The following KLHL3 variants were observed in gnomAD, a reference collection of about 807,000 sequenced individuals.
The protein encoded by KLHL3 is kelch like family member 3.
KLHL3 carries 19 observed loss-of-function variants against 70.5 expected under a neutral mutation model. The observed-to-expected ratio is 0.27, with a 90% CI of 0.19 to 0.40. KLHL3 has a LOEUF of 0.40. Among genes scored for constraint, KLHL3 ranks in the 10% least tolerant of loss-of-function variants. The pLI is 1.00. For synonymous variants in KLHL3, 258 were observed against 290.3 expected (o/e 0.89, Z 1.13); for missense variants, 512 against 771.1 (o/e 0.66, Z 3.98).
chr5:137,648,899 C>T (rs1751128492), intron 8 of KLHL3, among the ~76,000 whole-genome samples: 1 of 152,192 alleles, frequency 6.6e-6, no homozygotes, highest in African/African-American at 2.4e-5. Flanking sequence ...CCTGCTTCTC[C>T]AACTAGTCCA....
At chr5:137,713,510 C>T (rs1207316940) in intron 2 of KLHL3, among the ~76,000 whole-genome samples, 4 of 152,142 alleles carry the variant, frequency 2.6e-5, no homozygotes, top group Non-Finnish European at 5.9e-5. Flanking sequence ...CCCTACCTCA[C>T]ACCATATACA....
At chr5:137,710,046 C>G (rs1356218924) in intron 2 of KLHL3, among the ~76,000 whole-genome samples, 190 bp from the exon 3 acceptor site, 1 of 152,176 alleles carries the variant, frequency 6.6e-6, no homozygotes, top group African/African-American at 2.4e-5. Context: ...ATAAACCTGA[C>G]ATTCATGCTT....
chr5:137,717,478 C>T (rs776873884), intron 2 of KLHL3, among the ~76,000 whole-genome samples: 10 of 151,872 alleles, frequency 6.6e-5, no homozygotes, highest in Non-Finnish European at 2.9e-5. Context: ...TGCAATGAGC[C>T]GAGATCACAC....
intron 3 of KLHL3, among the ~76,000 whole-genome samples, chr5:137,700,152 T>C (rs1201848981): frequency 6.6e-6 from 1 of 152,204 alleles, no homozygotes; most frequent in African/African-American, 2.4e-5. Context: ...GGAAAAACAG[T>C]ATATTACTCC....
intron 4 of KLHL3, among the ~76,000 whole-genome samples, chr5:137,694,286 G>T (rs769627394): frequency 1.3e-5 from 2 of 152,134 alleles, no homozygotes; most frequent in Non-Finnish European, 2.9e-5. Flanking sequence ...TATATCCCCA[G>T]CAGGAAAACA....
At chr5:137,653,333 G>T (rs1287105496) in intron 8 of KLHL3, among the ~76,000 whole-genome samples, 1 of 152,162 alleles carries the variant, frequency 6.6e-6, no homozygotes, top group Non-Finnish European at 1.5e-5. Context: ...CACAGGTTGG[G>T]AGAAAATATT....
In KLHL3 at chr5:137,634,140, A is replaced by G. The variant is rs904675851; in HGVS notation, c.1347T>C (p.Tyr449=). The G allele has an allele frequency of 3.1e-6, 5 of 1,613,526 alleles. No homozygotes were observed. The highest frequency in any genetic ancestry group is 1.3e-5 in the African/African-American group (1 of 75,020). Residue 449 remains tyrosine (Y), a synonymous_variant, in exon 12 of 15, where the codon TAT becomes TAC. Transcript: ENST00000309755. The part of the protein sequence containing the change: ...VEGKLYAVGG[Y]DGASRQCLST... ...TCAGACACTGGCGGGAAGCTCCATC[A>G]TAACCCCCAACAGCATATAGCTTCC...
At chr5:137,648,519 G>A (rs929866214) in intron 8 of KLHL3, among the ~76,000 whole-genome samples, 5 of 152,214 alleles carry the variant, frequency 3.3e-5, no homozygotes, top group African/African-American at 9.6e-5. Flanking sequence ...GGTAACGTAG[G>A]AGACTTCTGA....
rs1041360251 is a variant in KLHL3 at position 137,709,624 on chromosome 5, G to C, written c.241+126C>G. On this transcript the variant is annotated intron_variant, in intron 3 of 14. Coordinates refer to ENST00000309755, the MANE Select transcript of KLHL3 (RefSeq NM_017415.3). ...GGCACAAAGCACACTATCTGGCGTA[G>C]AGAAGCCCCTCATAGTGGGCTAATG... 6.8e-6 allele frequency: 5 copies of C among 730,228 alleles called. No homozygotes were observed. In the African/African-American group the frequency reaches 6.9e-5, roughly 10 times the overall value. The allele number at this position is 730,228 out of a possible 1,614,324, so 45.2% of individuals were successfully genotyped here.
intron 12 of KLHL3, chr5:137,629,787 A>C (rs1196819670): frequency 6.6e-6 from 1 of 152,214 alleles, no homozygotes; most frequent in Non-Finnish European, 1.5e-5. Flanking sequence ...AGGTTTAATA[A>C]AATTTGTTGA....
Position 137,621,885 on chromosome 5 carries a change from C to G in KLHL3, c.*213G>C. 1 of 599,308 alleles carries G rather than the reference C, an allele frequency of 1.7e-6. No individual in the cohort carries two copies. Among genetic ancestry groups the G allele is most frequent in the Non-Finnish European group, 3.0e-6 (1 of 331,870 alleles). The allele number at this position is 599,308 out of a possible 1,614,324, so 37.1% of individuals were successfully genotyped here. A position where few individuals can be genotyped will look rare whatever the true frequency, so the allele number is the denominator to read the frequency against. On this transcript the variant is annotated 3_prime_UTR_variant, in exon 15 of 15. Coordinates refer to ENST00000309755, the MANE Select transcript of KLHL3 (RefSeq NM_017415.3). ...TGGGGATGTCAAGACCCCCCTTGCT[C>G]AGGGCATAGGCCAGAGCACCTCAGG...
chr5:137,617,618 G>A lies in KLHL3; in HGVS notation c.*4480C>T, dbSNP rs181320607. ...TATTGCTGTAACTGATCAAGCATGTGACAAGTGTTCTTTTACAAGATATAC... is the reference window on the plus strand; with the variant it reads ...TATTGCTGTAACTGATCAAGCATGTAACAAGTGTTCTTTTACAAGATATAC... On this transcript the variant is annotated 3_prime_UTR_variant, in exon 15 of 15. Coordinates refer to ENST00000309755, the MANE Select transcript of KLHL3 (RefSeq NM_017415.3). The A allele has an allele frequency of 1.3e-5, 2 of 152,318 alleles. No homozygotes were observed. The highest frequency in any genetic ancestry group is 3.9e-4 in the East Asian group (2 of 5,186). 9.4% of individuals were successfully genotyped at this position (152,318 alleles called of 1,614,324 possible). A position where few individuals can be genotyped will look rare whatever the true frequency, so the allele number is the denominator to read the frequency against.
chr5:137,672,596 G>A (rs1751788270), intron 6 of KLHL3: 1 of 152,138 alleles, frequency 6.6e-6, no homozygotes, highest in South Asian at 2.1e-4. Flanking sequence ...CTCACTCAGA[G>A]GTGTCTCTGA....
At chr5:137,644,852 G>A (rs530449606) in intron 8 of KLHL3, among the ~76,000 whole-genome samples, 30 of 152,054 alleles carry the variant, frequency 2.0e-4, no homozygotes, top group Admixed American at 4.6e-4. Flanking sequence ...CTAGACAAGG[G>A]CATGACAAAA....
chr5:137,708,383 T>G (rs1184257519), intron 3 of KLHL3, among the ~76,000 whole-genome samples: 2 of 152,182 alleles, frequency 1.3e-5, no homozygotes, highest in Non-Finnish European at 2.9e-5. Context: ...CACTCACCCC[T>G]CCTTAGCAAG....
intron 5 of KLHL3, among the ~76,000 whole-genome samples, chr5:137,682,135 G>A (rs986140412): frequency 6.6e-6 from 1 of 151,870 alleles, no homozygotes; most frequent in Non-Finnish European, 1.5e-5. Context: ...CTCAATCCCC[G>A]CAAAAGCCCT....
chr5:137,686,685 G>A (rs1350197495), intron 5 of KLHL3, among the ~76,000 whole-genome samples: 1 of 152,178 alleles, frequency 6.6e-6, no homozygotes, highest in Non-Finnish European at 1.5e-5. Flanking sequence ...CAATGGTAGA[G>A]AACCCCAGGC....
In KLHL3 at chr5:137,689,027, A is replaced by C. The variant is rs145354653; in HGVS notation, c.526+3258T>G. On this transcript the variant is annotated intron_variant, in intron 5 of 14. Coordinates refer to ENST00000309755, the MANE Select transcript of KLHL3 (RefSeq NM_017415.3). ...AGATAGTGAAAGGGGCAAAGGAGAA[A>C]ACACAGACGTTGAAAGTTGGGAAAA... 1.4e-3 allele frequency among the ~76,000 whole-genome samples: 214 copies of C among 152,340 alleles called. 3 individuals are homozygous for C. Among genetic ancestry groups the C allele is most frequent in the African/African-American group, 5.0e-3 (207 of 41,564 alleles).
At position 137,618,595 on chromosome 5, in the gene KLHL3, G is replaced by A. The variant is rs948902863; in HGVS notation, c.*3503C>T. Reference sequence around the variant, plus strand: ...GCTTCAGATCAACAAGGAGATAGAAGAGAATAAGGAATGGTCGGCTGGACC... The same window carrying A: ...GCTTCAGATCAACAAGGAGATAGAAAAGAATAAGGAATGGTCGGCTGGACC... On this transcript the variant is annotated 3_prime_UTR_variant, in exon 15 of 15. Transcript: ENST00000309755. 6.6e-6 allele frequency: 1 copy of A among 152,148 alleles called. No individual in the cohort carries two copies. The highest frequency in any genetic ancestry group is 2.4e-5 in the African/African-American group (1 of 41,414). 9.4% of individuals were successfully genotyped at this position (152,148 alleles called of 1,614,324 possible).
Sources: allele counts gnomAD v4.1 joint callset (sites outside exome capture counted in the v4.1 genomes callset), GRCh38; gene constraint gnomAD v4.1.1; transcripts MANE v1.5; gene names NCBI Gene and HGNC (gene_info 2026-07-23, HGNC 2026-07-21).